The following HEATR1 variants were observed in gnomAD, a reference collection of about 807,000 sequenced individuals.
The protein encoded by HEATR1 is HEAT repeat-containing protein 1.
In HEATR1, 77 loss-of-function variants were observed where a neutral mutation model predicts 248.2. The observed-to-expected ratio is 0.31, with a 90% CI of 0.26 to 0.37. The LOEUF (loss-of-function observed/expected upper bound fraction) is 0.37, where lower values mean the gene tolerates loss of function less well. HEATR1 is among the 10% of genes least tolerant of loss of function. HEATR1 has a pLI of 1.00. For missense variants in HEATR1, 2,420 were observed against 2,504.9 expected, an observed-to-expected ratio of 0.97 and a Z score of 0.72; for synonymous variants, 897 against 923.1, an observed-to-expected ratio of 0.97 and a Z score of 0.51.
intron 29 of HEATR1, among the ~76,000 whole-genome samples, chr1:236,568,702 C>T (rs1663337244): frequency 6.6e-6 from 1 of 152,064 alleles, no homozygotes; most frequent in Non-Finnish European, 1.5e-5. Flanking sequence ...ATTTACCCCA[C>T]CCGAATGATG....
In HEATR1 at chr1:236,583,912, C is replaced by G. The variant is rs1663819724; in HGVS notation, c.2242-716G>C. 1.3e-5 allele frequency among the ~76,000 whole-genome samples: 2 copies of G among 152,056 alleles called. 1 individual carries two copies. Among genetic ancestry groups the G allele is most frequent in the Admixed American group, 1.3e-4 (2 of 15,276 alleles). On this transcript the variant is annotated intron_variant, in intron 17 of 44. Coordinates refer to ENST00000366582, the MANE Select transcript of HEATR1 (RefSeq NM_018072.6). ...AGGTACATGGCAAAAATCTCCAAAC[C>G]TGCAGATGATTTTAAACAAGCAGCA...
At chr1:236,597,639 G>A (rs1302318358) in intron 5 of HEATR1, among the ~76,000 whole-genome samples, 1 of 151,338 alleles carries the variant, frequency 6.6e-6, no homozygotes, top group Non-Finnish European at 1.5e-5. Flanking sequence ...ACTAGAATCT[G>A]GCAAGGAATA....
chr1:236,591,917 A>AT, intron 11 of HEATR1, 76 bp downstream of exon 11: 1 of 855,544 alleles, frequency 1.2e-6, no homozygotes, highest in Admixed American at 2.2e-5. Context: ...AAAGTGGCAA[A>AT]TTTCCTTCTG....
At position 236,596,985 on chromosome 1, in the gene HEATR1, A is replaced by C; in HGVS notation, c.604-9T>G. On this transcript the variant is annotated splice_polypyrimidine_tract_variant and intron_variant, in intron 5 of 44. Coordinates refer to ENST00000366582, the MANE Select transcript of HEATR1 (RefSeq NM_018072.6). ...GGGTACTCAGCAAAAACCTGAAACAAGGAACACAAACAAAACACATTTAAC... is the reference window on the plus strand; with the variant it reads ...GGGTACTCAGCAAAAACCTGAAACACGGAACACAAACAAAACACATTTAAC... 1 of 1,609,360 alleles carries C rather than the reference A, an allele frequency of 6.2e-7. No homozygotes were observed. Among genetic ancestry groups the C allele is most frequent in the Admixed American group, 1.7e-5 (1 of 58,488 alleles).
chr1:236,584,415 T>C (rs868137671), intron 17 of HEATR1, among the ~76,000 whole-genome samples: 65 of 152,222 alleles, frequency 4.3e-4, no homozygotes, highest in African/African-American at 1.5e-3. Context: ...TATACGTAAA[T>C]GTGAAAAAGA....
Position 236,585,300 on chromosome 1 carries a change from T to G in HEATR1, c.2050-84A>C, listed in dbSNP as rs1038025066. On this transcript the variant is annotated intron_variant, in intron 16 of 44. Coordinates refer to ENST00000366582, the MANE Select transcript of HEATR1 (RefSeq NM_018072.6). ...TCAACTCAGGTCTATCTAGGTATTATGTGTTTTACATTTAAAGTGAGATGA... is the reference window on the plus strand; with the variant it reads ...TCAACTCAGGTCTATCTAGGTATTAGGTGTTTTACATTTAAAGTGAGATGA... The G allele has an allele frequency of 5.4e-6, 6 of 1,113,510 alleles. No individual in the cohort carries two copies. In the African/African-American group the frequency reaches 7.8e-5, roughly 14 times the overall value. 69.0% of individuals were successfully genotyped at this position (1,113,510 alleles called of 1,614,324 possible).
chr1:236,568,910 A>AC, intron 29 of HEATR1, 86 bp downstream of exon 29: 6 of 898,730 alleles, frequency 6.7e-6, no homozygotes, highest in East Asian at 7.4e-5. Flanking sequence ...AAAAAAAAAA[A>AC]CTAAAAAAAA....
rs55866014 is a variant in HEATR1 at position 236,550,992 on chromosome 1, TAA to T, written c.6347-4_6347-3del. ...GATGTTCTACTTCTTCACATTCATC[TAA>T]AAAAAAAAAAAAAAAATCAAAATTA... On this transcript the variant is annotated splice_polypyrimidine_tract_variant and splice_region_variant and intron_variant, in intron 44 of 44. Transcript: ENST00000366582. 10,506 of 1,239,696 alleles carry T rather than the reference TAA, an allele frequency of 8.5e-3. No individual in the cohort carries two copies. The highest frequency in any genetic ancestry group is 0.018 in the South Asian group (1,121 of 63,604). 76.8% of individuals were successfully genotyped at this position (1,239,696 alleles called of 1,614,324 possible). A position where few individuals can be genotyped will look rare whatever the true frequency, so the allele number is the denominator to read the frequency against.
At chr1:236,596,400 T>G (rs1664178347) in intron 6 of HEATR1, among the ~76,000 whole-genome samples, 1 of 152,184 alleles carries the variant, frequency 6.6e-6, no homozygotes, top group South Asian at 2.1e-4. Context: ...GGTCACAAGT[T>G]GGGACACTGG....
chr1:236,566,227 A>C (rs1226174753), intron 30 of HEATR1, among the ~76,000 whole-genome samples, 182 bp from the exon 31 acceptor site: 3 of 152,208 alleles, frequency 2.0e-5, no homozygotes, highest in Non-Finnish European at 4.4e-5. Flanking sequence ...CGACTTATCC[A>C]AACAGGGCTT....
chr1:236,577,810 T>C (rs1430359008), intron 20 of HEATR1, among the ~76,000 whole-genome samples: 1 of 152,204 alleles, frequency 6.6e-6, no homozygotes, highest in East Asian at 1.9e-4. Flanking sequence ...TTTAATTGTA[T>C]ACTCCAATGT....
intron 37 of HEATR1, 37 bp from the exon 38 acceptor site, chr1:236,556,295 A>G (rs752725091): frequency 1.9e-6 from 3 of 1,606,046 alleles, no homozygotes; most frequent in Non-Finnish European, 1.7e-6. Flanking sequence ...GGGCCACTGC[A>G]GATCTTCGCT....
chr1:236,576,261 T>C lies in HEATR1; in HGVS notation c.3042A>G (p.Ile1014Met). The change falls in exon 22 of 45, where the codon ATA (isoleucine) becomes ATG (methionine). Residue 1014 changes from isoleucine to methionine, a missense_variant. Physicochemically the swap from Ile to Met is conservative, Grantham distance 10. Transcript: ENST00000366582. ...LSCVYSCPSYIAKDLMKVLQG... is the reference protein window; with the variant it reads ...LSCVYSCPSYMAKDLMKVLQG... ...GAAGTACTTTCATCAAATCTTTTGC[T>C]ATATAAGATGGGCAACTATACACAC... The C allele has an allele frequency of 6.2e-7, 1 of 1,608,320 alleles. No homozygotes were observed.
chr1:236,589,792 T>G (rs533090283), intron 12 of HEATR1, among the ~76,000 whole-genome samples: 1 of 152,328 alleles, frequency 6.6e-6, no homozygotes, highest in Non-Finnish European at 1.5e-5. Context: ...ATGACACAGA[T>G]GGAGCATTCC....
Position 236,550,995 on chromosome 1 carries a change from A to T in HEATR1, c.6347-5T>A. The T allele has an allele frequency of 6.8e-7, 1 of 1,468,634 alleles. No individual in the cohort carries two copies. The highest frequency in any genetic ancestry group is 9.1e-7 in the Non-Finnish European group (1 of 1,101,366). The allele number at this position is 1,468,634 out of a possible 1,614,324, so 91.0% of individuals were successfully genotyped here. A position where few individuals can be genotyped will look rare whatever the true frequency, so the allele number is the denominator to read the frequency against. On this transcript the variant is annotated splice_region_variant and splice_polypyrimidine_tract_variant and intron_variant, in intron 44 of 44. Transcript: ENST00000366582. ...GTTCTACTTCTTCACATTCATCTAA[A>T]AAAAAAAAAAAAAAATCAAAATTAA...
chr1:236,581,463 C>T (rs1452053562), intron 19 of HEATR1, 49 bp from the exon 20 acceptor site: 1 of 1,346,056 alleles, frequency 7.4e-7, no homozygotes. Flanking sequence ...CTCAAATAAG[C>T]TGGTTCCAAA....
Position 236,598,068 on chromosome 1 carries a change from G to C in HEATR1, c.502-89C>G, listed in dbSNP as rs1008522793. On this transcript the variant is annotated intron_variant, in intron 4 of 44. Transcript: ENST00000366582. ...TTTACCCTAGTAATGTCTTCATACT[G>C]CTACAATTCATAAATAAAAAATATA... 9 of 710,148 alleles carry C rather than the reference G, an allele frequency of 1.3e-5. 1 individual carries two copies. In the South Asian group the frequency reaches 1.8e-4, roughly 14 times the overall value. 44.0% of individuals were successfully genotyped at this position (710,148 alleles called of 1,614,324 possible). A position where few individuals can be genotyped will look rare whatever the true frequency, so the allele number is the denominator to read the frequency against.
chr1:236,584,800 C>G (rs893269356), intron 17 of HEATR1, among the ~76,000 whole-genome samples: 3 of 152,202 alleles, frequency 2.0e-5, no homozygotes, highest in Admixed American at 2.0e-4. Flanking sequence ...GCATCAGATA[C>G]AAAATATTGC....
chr1:236,595,733 T>C (rs918996949), intron 7 of HEATR1, 60 bp from the exon 8 acceptor site: 23 of 1,528,290 alleles, frequency 1.5e-5, no homozygotes, highest in African/African-American at 1.4e-5. Context: ...TGAGTAACAA[T>C]ATAAGAAAAT....
Sources: allele counts gnomAD v4.1 joint callset (sites outside exome capture counted in the v4.1 genomes callset), GRCh38; gene constraint gnomAD v4.1.1; transcripts MANE v1.5; gene names NCBI Gene and HGNC (gene_info 2026-07-23, HGNC 2026-07-21).